LRP6: variants seen among roughly 807,000 people sequenced by gnomAD.
LRP6 encodes the protein LDL receptor related protein 6.
LRP6 carries 43 observed loss-of-function variants against 184.1 expected under a neutral mutation model. The ratio of observed to expected loss-of-function variants is 0.23; its 90% CI spans 0.18 to 0.30. The LOEUF (loss-of-function observed/expected upper bound fraction) is 0.30. Among genes scored for constraint, LRP6 ranks in the 10% least tolerant of loss-of-function variants. The pLI, the probability that LRP6 is intolerant of heterozygous loss-of-function variation, is 1.00. For synonymous variants in LRP6, 719 were observed against 684.9 expected (o/e 1.05, Z -0.78); for missense variants, 1,571 against 2,005.3 (o/e 0.78, Z 4.14).
chr12:12,172,867 C>T (rs1284343111), intron 7 of LRP6, among the ~76,000 whole-genome samples: 1 of 152,158 alleles, frequency 6.6e-6, no homozygotes, highest in Admixed American at 6.5e-5. Flanking sequence ...ACACCACACA[C>T]CTGTTTGAGA....
intron 3 of LRP6, among the ~76,000 whole-genome samples, chr12:12,188,078 G>T (rs1255460222): frequency 6.6e-6 from 1 of 151,960 alleles, no homozygotes. Flanking sequence ...CAGGCGTGGT[G>T]GTGGGCGCCT....
intron 1 of LRP6, among the ~76,000 whole-genome samples, chr12:12,258,990 G>C (rs1865544328): frequency 6.6e-6 from 1 of 152,212 alleles, no homozygotes; most frequent in Non-Finnish European, 1.5e-5. Context: ...GCTGTGTGCA[G>C]CAGGCTCACG....
chr12:12,240,965 G>GAA (rs1865050328), intron 2 of LRP6, among the ~76,000 whole-genome samples: 2 of 152,054 alleles, frequency 1.3e-5, no homozygotes, highest in African/African-American at 4.8e-5. Flanking sequence ...ACTGTATACT[G>GAA]CTAGTCATTA....
chr12:12,150,773 G>A lies in LRP6; in HGVS notation c.2994+63C>T. ...GCAGAGTCAAGACTTAAGTGAAACAGAGTGGTTGGTGAGTCCAGTTATTAG... is the reference window on the plus strand; with the variant it reads ...GCAGAGTCAAGACTTAAGTGAAACAAAGTGGTTGGTGAGTCCAGTTATTAG... On this transcript the variant is annotated intron_variant, in intron 13 of 22. Coordinates refer to ENST00000261349, the MANE Select transcript of LRP6 (RefSeq NM_002336.3). The A allele has an allele frequency of 1.9e-6, 3 of 1,544,254 alleles. 1 individual carries two copies. Among genetic ancestry groups the A allele is most frequent in the Non-Finnish European group, 8.9e-7 (1 of 1,118,254 alleles).
intron 16 of LRP6, among the ~76,000 whole-genome samples, chr12:12,137,675 G>T (rs1949862279): frequency 6.6e-6 from 1 of 151,826 alleles, no homozygotes. Flanking sequence ...GGGAAGAAAA[G>T]AAATAGATGC....
chr12:12,212,218 A>G (rs1387032698), intron 2 of LRP6, among the ~76,000 whole-genome samples: 2 of 152,196 alleles, frequency 1.3e-5, no homozygotes, highest in Admixed American at 6.5e-5. Flanking sequence ...AATGCCAAGT[A>G]CACAGTCAGC....
rs557670590 is a variant in LRP6 at position 12,141,598 on chromosome 12, G to A, written c.3398-3064C>T. ...CCAGGAAATAGCAGGTTCAGCATCT[G>A]TATACTCCCAGGACAATGGAGAAAT... On this transcript the variant is annotated intron_variant, in intron 15 of 22. Transcript: ENST00000261349. Among the ~76,000 whole-genome samples the A allele has an allele frequency of 2.0e-5, 3 of 152,220 alleles. No individual in the cohort carries two copies. In the South Asian group the frequency reaches 6.2e-4, roughly 32 times the overall value.
chr12:12,222,636 G>A (rs539588110), intron 2 of LRP6, among the ~76,000 whole-genome samples: 5 of 151,482 alleles, frequency 3.3e-5, no homozygotes, highest in Non-Finnish European at 5.9e-5. Context: ...CAAGACCCGC[G>A]GTGGATGCCT....
chr12:12,186,732 C>G (rs1863485553), intron 4 of LRP6, 191 bp downstream of exon 4: 1 of 612,038 alleles, frequency 1.6e-6, no homozygotes, highest in Admixed American at 2.3e-5. Flanking sequence ...AATCTCAGCT[C>G]ACTGCAACCT....
At chr12:12,165,340 ATTC>A (rs762102285) in intron 7 of LRP6, 45 bp from the exon 8 acceptor site, 1 of 1,351,814 alleles carries the variant, frequency 7.4e-7, no homozygotes, top group East Asian at 2.3e-5. Context: ...TTATGCATTT[ATTC>A]TTCAGCTAAA....
rs1366456866 is a variant in LRP6, at chr12:12,120,221, A to G, written c.*905T>C. On this transcript the variant is annotated 3_prime_UTR_variant, in exon 23 of 23. Coordinates refer to ENST00000261349, the MANE Select transcript of LRP6 (RefSeq NM_002336.3). Reference sequence around the variant, plus strand: ...GAAATAATATGTCTAACTTTTGATCATTATGCAAAAACAGCAGTCAAATTG... The same window carrying G: ...GAAATAATATGTCTAACTTTTGATCGTTATGCAAAAACAGCAGTCAAATTG... The G allele has an allele frequency of 6.6e-6, 1 of 151,944 alleles. No homozygotes were observed. Among genetic ancestry groups the G allele is most frequent in the African/African-American group, 2.4e-5 (1 of 41,434 alleles). The allele number at this position is 151,944 out of a possible 1,614,324, so 9.4% of individuals were successfully genotyped here. A position where few individuals can be genotyped will look rare whatever the true frequency, so the allele number is the denominator to read the frequency against.
intron 9 of LRP6, 59 bp downstream of exon 9, chr12:12,164,214 A>G: frequency 1.3e-6 from 2 of 1,511,678 alleles, no homozygotes; most frequent in Non-Finnish European, 1.8e-6. Context: ...GAAGATTCAG[A>G]AATTCTAGAA....
chr12:12,218,476 C>T (rs984573390), intron 2 of LRP6, among the ~76,000 whole-genome samples: 3 of 140,020 alleles, frequency 2.1e-5, no homozygotes, highest in African/African-American at 8.0e-5. Flanking sequence ...GACCCTCTCT[C>T]AATAATAATA....
rs560092298 is a variant in LRP6 at position 12,124,682 on chromosome 12, A to C, written c.4450-20T>G. 1.1e-5 allele frequency: 15 copies of C among 1,402,750 alleles called. 1 individual carries two copies. In the East Asian group the frequency reaches 3.7e-4, roughly 34 times the overall value. The allele number at this position is 1,402,750 out of a possible 1,614,324, so 86.9% of individuals were successfully genotyped here. A position where few individuals can be genotyped will look rare whatever the true frequency, so the allele number is the denominator to read the frequency against. ...CAAAATCTAAAAGAAAAAAATAATT[A>C]AAATATTAAAATAACAACATAGAAA... On this transcript the variant is annotated intron_variant, in intron 21 of 22. Coordinates refer to ENST00000261349, the MANE Select transcript of LRP6 (RefSeq NM_002336.3).
At chr12:12,131,781 A>C (rs374155225) in intron 18 of LRP6, 40 bp downstream of exon 18, 4 of 1,551,246 alleles carry the variant, frequency 2.6e-6, no homozygotes, top group Non-Finnish European at 3.6e-6. Flanking sequence ...TGAATGGGAA[A>C]AAAGGATTGC....
chr12:12,149,411 C>A (rs1950051087), intron 13 of LRP6, among the ~76,000 whole-genome samples: 1 of 152,000 alleles, frequency 6.6e-6, no homozygotes, highest in Admixed American at 6.6e-5. Context: ...CCTGATAATG[C>A]CTTGATTAAG....
At chr12:12,202,499 C>T (rs929414691) in intron 3 of LRP6, among the ~76,000 whole-genome samples, 1 of 152,152 alleles carries the variant, frequency 6.6e-6, no homozygotes, top group African/African-American at 2.4e-5. Context: ...GCTGAGATCA[C>T]GCTACTGCAT....
rs565243937 is a variant in LRP6, at chr12:12,194,773, C to T, written c.648-7654G>A. Among the ~76,000 whole-genome samples the T allele has an allele frequency of 1.8e-4, 28 of 152,132 alleles. 1 individual carries two copies. The highest frequency in any genetic ancestry group is 6.7e-4 in the African/African-American group (28 of 41,520). ...TCTTTGAAATTATATAATGTTTTAC[C>T]TATTAAGTACAGTCATCCTACAGTG... is the stretch of plus-strand genomic sequence containing the variant. On this transcript the variant is annotated intron_variant, in intron 3 of 22. Transcript: ENST00000261349.
At chr12:12,226,376 T>C (rs1864624107) in intron 2 of LRP6, among the ~76,000 whole-genome samples, 1 of 152,146 alleles carries the variant, frequency 6.6e-6, no homozygotes, top group Non-Finnish European at 1.5e-5. Flanking sequence ...GGCAAGAATA[T>C]TGCAATAAAC....
Sources: allele counts gnomAD v4.1 joint callset (sites outside exome capture counted in the v4.1 genomes callset), GRCh38; gene constraint gnomAD v4.1.1; transcripts MANE v1.5; gene names NCBI Gene and HGNC (gene_info 2026-07-23, HGNC 2026-07-21).